The following ZC3H4 variants were observed in gnomAD, a reference collection of about 807,000 sequenced individuals.
ZC3H4 encodes the protein zinc finger CCCH-type containing 4.
Under a neutral mutation model 108.3 loss-of-function variants are expected in ZC3H4, and 13 were observed. The ratio of observed to expected loss-of-function variants is 0.12; its 90% CI spans 0.08 to 0.19. The LOEUF is 0.19. Among genes scored for constraint, ZC3H4 ranks in the 10% least tolerant of loss-of-function variants. The pLI is 1.00. For synonymous variants in ZC3H4, 917 were observed against 749.6 expected, an observed-to-expected ratio of 1.22 and a Z score of -3.65; for missense variants, 1,734 against 1,838.8, an observed-to-expected ratio of 0.94 and a Z score of 1.04.
At chr19:47,086,249 G>A (rs980328362) in intron 6 of ZC3H4, 135 bp downstream of exon 6, 45 of 966,686 alleles carry the variant, frequency 4.7e-5, no homozygotes, top group African/African-American at 4.7e-4. Flanking sequence ...ATACATCTGC[G>A]CTCTGAGGCT....
chr19:47,081,487 G>T, intron 11 of ZC3H4, 26 bp downstream of exon 11: 1 of 1,605,842 alleles, frequency 6.2e-7, no homozygotes, highest in Non-Finnish European at 8.5e-7. Flanking sequence ...CCTGTAGCCG[G>T]GGGCCCCGTT....
chr19:47,070,994 G>A (rs553171630), intron 13 of ZC3H4, among the ~76,000 whole-genome samples: 15 of 152,198 alleles, frequency 9.9e-5, no homozygotes, highest in South Asian at 2.1e-4. Context: ...TCAACACAGC[G>A]CCCCCACCCG....
At chr19:47,078,175 T>C (rs964756605) in intron 11 of ZC3H4, among the ~76,000 whole-genome samples, 82 of 152,312 alleles carry the variant, frequency 5.4e-4, no homozygotes, top group African/African-American at 1.9e-3. Flanking sequence ...TTTTTCATTA[T>C]TTTTTATTAT....
intron 2 of ZC3H4, chr19:47,110,922 G>A (rs1437110779): frequency 3.0e-5 from 30 of 985,244 alleles, no homozygotes; most frequent in Non-Finnish European, 3.5e-5. Context: ...GTCTCTGAAT[G>A]TGGGTGGCAT....
Position 47,112,589 on chromosome 19 carries a change from C to T in ZC3H4, c.-5G>A. On this transcript the variant is annotated splice_region_variant and 5_prime_UTR_variant, in exon 2 of 15. Coordinates refer to ENST00000253048, the MANE Select transcript of ZC3H4 (RefSeq NM_015168.2). ...GGTCCCGGGCGCGGCCTCCATAGTT[C>T]CTTTGGGGGGGAGGGGATGTTAATG... 2 of 1,202,552 alleles carry T rather than the reference C, an allele frequency of 1.7e-6. No homozygotes were observed. Among genetic ancestry groups the T allele is most frequent in the Non-Finnish European group, 2.1e-6 (2 of 959,106 alleles). 74.5% of individuals were successfully genotyped at this position (1,202,552 alleles called of 1,614,324 possible). A position where few individuals can be genotyped will look rare whatever the true frequency, so the allele number is the denominator to read the frequency against.
At chr19:47,083,148 G>A (rs542184558) in intron 9 of ZC3H4, among the ~76,000 whole-genome samples, 6 of 151,722 alleles carry the variant, frequency 4.0e-5, no homozygotes, top group Non-Finnish European at 7.4e-5. Context: ...AGGTTCAAGC[G>A]ATTCTCCTGC....
In ZC3H4 at chr19:47,085,320, C is replaced by T. The variant is rs747713502; in HGVS notation, c.965G>A (p.Arg322Gln). 1 of 1,597,334 alleles carries T rather than the reference C, an allele frequency of 6.3e-7. No individual in the cohort carries two copies. The highest frequency in any genetic ancestry group is 1.3e-5 in the African/African-American group (1 of 74,450). Residue 322 changes from arginine (R) to glutamine (Q), a missense_variant and splice_region_variant, in exon 7 of 15, where the codon CGA becomes CAA. Arg to Gln is a conservative substitution (Grantham distance 43). This residue lies in a region of ZC3H4 where 403 missense variants were observed against 457.0 expected (regional missense o/e 0.88). Coordinates refer to ENST00000253048, the MANE Select transcript of ZC3H4 (RefSeq NM_015168.2). ...QYRRSKDSRG[R>Q]GLSRGRGRGS... is the part of the protein sequence containing the mutation. ...GTCCTCTCCAGGCCCCTGCCCACCTCGGCCTCGGCTGTCCTTGGAGCGGCG... is the reference window on the plus strand; with the variant it reads ...GTCCTCTCCAGGCCCCTGCCCACCTTGGCCTCGGCTGTCCTTGGAGCGGCG...
At position 47,067,283 on chromosome 19, in the gene ZC3H4, C is replaced by T. The variant is rs1326798118; in HGVS notation, c.2985G>A (p.Val995=). The T allele has an allele frequency of 6.3e-7, 1 of 1,589,100 alleles. No individual in the cohort carries two copies. The highest frequency in any genetic ancestry group is 8.6e-7 in the Non-Finnish European group (1 of 1,167,112). The change falls in exon 15 of 15, where the codon GTG becomes GTA. Residue 995 remains valine, a synonymous_variant. Coordinates refer to ENST00000253048, the MANE Select transcript of ZC3H4 (RefSeq NM_015168.2). This position sits in a 1 kb window ranked among gnomAD's most constrained non-coding sequence, Gnocchi z 6.4. The stretch of plus-strand genomic sequence containing the variant: ...ATTGCAGGGCCGCGGGCACGGGGGG[C>T]ACTGCGTCCTGCTTGGGGATGGGTA... ...IPLPIPKQDA[V]PPVPAALQSM... is the part of the protein sequence containing the mutation.
In ZC3H4 at chr19:47,067,036, T is replaced by A; in HGVS notation, c.3232A>T (p.Thr1078Ser). The change falls in exon 15 of 15, where the codon ACC becomes TCC. Residue 1078 changes from threonine (T) to serine (S), a missense_variant. By Grantham distance (58) the Thr-to-Ser change is moderately conservative (BLOSUM62 1). Around this residue, in one of 9 missense-constraint regions of ZC3H4, gnomAD observed 518 missense variants for 499.6 expected, o/e 1.04. Transcript: ENST00000253048. This position sits in a 1 kb window ranked among gnomAD's most constrained non-coding sequence, Gnocchi z 6.4. ...PSDPRVRKAP[T>S]DPRLQKPTDS... ...GTGGGTTTCTGCAGCCGAGGGTCGG[T>A]GGGGGCCTTCCGCACCCGGGGGTCA... is the stretch of plus-strand genomic sequence containing the variant. 6.2e-7 allele frequency: 1 copy of A among 1,603,414 alleles called. No homozygotes were observed. The highest frequency in any genetic ancestry group is 8.5e-7 in the Non-Finnish European group (1 of 1,174,890).
chr19:47,101,845 G>T lies in ZC3H4; in HGVS notation c.162-7237C>A, dbSNP rs1419752412. On this transcript the variant is annotated intron_variant, in intron 2 of 14. Coordinates refer to ENST00000253048, the MANE Select transcript of ZC3H4 (RefSeq NM_015168.2). Reference sequence around the variant, plus strand: ...ATCGCACCACTGCACTCCAGCCTGGGCAACAGAGCAAGACTCTGTCTCGAA... The same window carrying T: ...ATCGCACCACTGCACTCCAGCCTGGTCAACAGAGCAAGACTCTGTCTCGAA... 2.7e-5 allele frequency among the ~76,000 whole-genome samples: 4 copies of T among 149,940 alleles called. No homozygotes were observed. The East Asian group carries it at 7.8e-4, about 29-fold the overall frequency.
Position 47,066,944 on chromosome 19 carries a change from G to C in ZC3H4, c.3324C>G (p.Ser1108Arg), listed in dbSNP as rs1476181493. The C allele has an allele frequency of 6.3e-7, 1 of 1,594,868 alleles. No homozygotes were observed. Among genetic ancestry groups the C allele is most frequent in the Non-Finnish European group, 8.5e-7 (1 of 1,172,416 alleles). ...GPAEAPSPTA[S>R]PSGDASPPAT... ...CTGGTGGGGAGGCATCCCCACTCGG[G>C]CTGGCGGTGGGAGAGGGCGCCTCAG... Residue 1108 changes from serine (S) to arginine (R), a missense_variant, in exon 15 of 15, where the codon AGC becomes AGG. By Grantham distance (110) the Ser-to-Arg change is moderately radical (BLOSUM62 -1). This residue lies in a region of ZC3H4 where 518 missense variants were observed against 499.6 expected (regional missense o/e 1.04). Coordinates refer to ENST00000253048, the MANE Select transcript of ZC3H4 (RefSeq NM_015168.2).
At chr19:47,107,648 TTC>T (rs2057984023) in intron 2 of ZC3H4, among the ~76,000 whole-genome samples, 1 of 151,036 alleles carries the variant, frequency 6.6e-6, no homozygotes, top group South Asian at 2.1e-4. Context: ...TAATCCTGCG[TTC>T]TGTTAAGAAA....
chr19:47,110,226 G>A (rs1379815625), intron 2 of ZC3H4, among the ~76,000 whole-genome samples: 1 of 151,970 alleles, frequency 6.6e-6, no homozygotes, highest in Non-Finnish European at 1.5e-5. Flanking sequence ...TGGGGGGGAG[G>A]GGAACCATTA....
intron 2 of ZC3H4, among the ~76,000 whole-genome samples, chr19:47,096,310 G>A (rs1489614947): frequency 6.6e-6 from 1 of 152,230 alleles, no homozygotes; most frequent in Non-Finnish European, 1.5e-5. Flanking sequence ...ACCTTGTGTT[G>A]CTTCCCCGAC....
chr19:47,100,818 C>A (rs948381301), intron 2 of ZC3H4, among the ~76,000 whole-genome samples: 1 of 152,016 alleles, frequency 6.6e-6, no homozygotes, highest in Non-Finnish European at 1.5e-5. Context: ...CATTCCTCAG[C>A]CTCCTGAGTA....
chr19:47,085,370 CTCGT>C lies in ZC3H4; in HGVS notation c.911_914del (p.Asp304GlyfsTer6). ...GGTACTGGTTCAGCTCCTTGGAGTA[CTCGT>C]CATAGTCGTCGTCTCCCATTGGCTC... is the stretch of plus-strand genomic sequence containing the variant. On this transcript the variant is annotated frameshift_variant, in exon 7 of 15. Transcript: ENST00000253048. LOFTEE classifies it high-confidence loss of function. The C allele has an allele frequency of 1.2e-6, 2 of 1,603,358 alleles. No homozygotes were observed. The highest frequency in any genetic ancestry group is 1.7e-6 in the Non-Finnish European group (2 of 1,174,652).
chr19:47,074,749 TCTC>T (rs898102211), intron 11 of ZC3H4, among the ~76,000 whole-genome samples: 13 of 152,174 alleles, frequency 8.5e-5, no homozygotes, highest in African/African-American at 2.9e-4. Flanking sequence ...GCTGAGCAAG[TCTC>T]CTCGCAGACA....
intron 2 of ZC3H4, chr19:47,110,996 A>G: frequency 1.2e-6 from 1 of 868,952 alleles, no homozygotes; most frequent in Non-Finnish European, 1.4e-6. Context: ...GGGAGTGGGG[A>G]GAAGGGGTCG....
chr19:47,066,338 C>T lies in ZC3H4; in HGVS notation c.*18G>A, dbSNP rs775976670. On this transcript the variant is annotated 3_prime_UTR_variant, in exon 15 of 15. Transcript: ENST00000253048. ...CCACCCTAGGAAGGGTGGCTGGAGC[C>T]GCAGCTCTGGCTGGACACTACTGGC... 1.2e-5 allele frequency: 18 copies of T among 1,493,604 alleles called. No individual in the cohort carries two copies. The highest frequency in any genetic ancestry group is 2.5e-5 in the Admixed American group (1 of 40,722). The allele number at this position is 1,493,604 out of a possible 1,614,324, so 92.5% of individuals were successfully genotyped here.
Sources: allele counts gnomAD v4.1 joint callset (sites outside exome capture counted in the v4.1 genomes callset), GRCh38; gene constraint gnomAD v4.1.1; regional missense constraint gnomAD v4.1.1; non-coding constraint Gnocchi (gnomAD v3.1); transcripts MANE v1.5; gene names NCBI Gene and HGNC (gene_info 2026-07-23, HGNC 2026-07-21).